Variants in ITGA11 observed in about 807,000 individuals in gnomAD.
The protein encoded by ITGA11 is integrin alpha-11.
ITGA11 carries 97 observed loss-of-function variants against 141.9 expected under a neutral mutation model. The observed-to-expected ratio is 0.68, with a 90% CI of 0.58 to 0.81. ITGA11 has a LOEUF of 0.81. ITGA11 is among the 30% of genes least tolerant of loss of function. The pLI, the probability that ITGA11 is intolerant of heterozygous loss-of-function variation, is 0.00. For synonymous variants in ITGA11, 658 were observed against 624.6 expected, an observed-to-expected ratio of 1.05 and a Z score of -0.80; for missense variants, 1,387 against 1,559.2, an observed-to-expected ratio of 0.89 and a Z score of 1.86.
At chr15:68,407,783 G>A (rs530880853) in intron 1 of ITGA11, among the ~76,000 whole-genome samples, 25 of 152,334 alleles carry the variant, frequency 1.6e-4, no homozygotes, top group Middle Eastern at 3.4e-3. Flanking sequence ...GGAAACCACA[G>A]CATCAAGCCA....
rs1306605224 is a variant in ITGA11 at position 68,350,658 on chromosome 15, T to A, written c.1019A>T (p.Asp340Val). ...TCTGTCCCCCAGGGCATCGACAATG[T>A]CCTTCAAGGCAGCCTCATCAGTGAC... ...FNVTDEAALK[D>V]IVDALGDRIF... The change falls in exon 9 of 30, where the codon GAC becomes GTC. Residue 340 changes from aspartate to valine, a missense_variant. Coordinates refer to ENST00000315757, the MANE Select transcript of ITGA11 (RefSeq NM_001004439.2). 2 of 1,613,918 alleles carry A rather than the reference T, an allele frequency of 1.2e-6. No individual in the cohort carries two copies. Among genetic ancestry groups the A allele is most frequent in the East Asian group, 2.2e-5 (1 of 44,872 alleles).
rs776204625 is a variant in ITGA11 at position 68,328,124 on chromosome 15, C to T, written c.2040G>A (p.Leu680=). The change falls in exon 16 of 30, where the codon CTG becomes CTA. Residue 680 remains leucine (L), a synonymous_variant. Coordinates refer to ENST00000315757, the MANE Select transcript of ITGA11 (RefSeq NM_001004439.2). The surrounding 1 kb of genome is among the most constrained non-coding windows in gnomAD (Gnocchi z 4.8). ...CAGTTGTTGTTTGGAAATGGGGTGC[C>T]AGGAAGATGGGCGTGAAGCAGAGGA... ...AAFLCFTPIF[L]APHFQTTTVG... is the part of the protein sequence containing the mutation. 6.2e-7 allele frequency: 1 copy of T among 1,613,686 alleles called. No homozygotes were observed. The highest frequency in any genetic ancestry group is 8.5e-7 in the Non-Finnish European group (1 of 1,179,808).
At chr15:68,317,195 G>A (rs1032025181) in intron 21 of ITGA11, 70 bp downstream of exon 21, 24 of 1,089,602 alleles carry the variant, frequency 2.2e-5, no homozygotes, top group Admixed American at 8.5e-5. Flanking sequence ...TGCTCTTGCC[G>A]CCCTCCCCAA....
At chr15:68,381,691 G>A (rs1339615012) in intron 2 of ITGA11, among the ~76,000 whole-genome samples, 3 of 152,156 alleles carry the variant, frequency 2.0e-5, no homozygotes, top group Non-Finnish European at 4.4e-5. Context: ...GAGTAGCTGG[G>A]ATTATAGGCG....
chr15:68,312,597 A>G (rs1893426194), intron 24 of ITGA11, among the ~76,000 whole-genome samples, 176 bp downstream of exon 24: 1 of 152,180 alleles, frequency 6.6e-6, no homozygotes, highest in Non-Finnish European at 1.5e-5. Context: ...TGTTTTTCAA[A>G]AGAAGACTGA....
In ITGA11 at chr15:68,335,735, G is replaced by A. The variant is rs776834465; in HGVS notation, c.1387C>T (p.Arg463Trp). 2.4e-5 allele frequency: 39 copies of A among 1,613,734 alleles called. No individual in the cohort carries two copies. The South Asian group carries it at 2.9e-4, about 12-fold the overall frequency. ...ATAGCCTGGTGGATGGTGAGGCTCCGGTTGTTGTGCATGGTGAACAGGATG... is the reference window on the plus strand; with the variant it reads ...ATAGCCTGGTGGATGGTGAGGCTCCAGTTGTTGTGCATGGTGAACAGGATG... ...KVILFTMHNNRSLTIHQAMRG... is the reference protein window; with the variant it reads ...KVILFTMHNNWSLTIHQAMRG... Residue 463 changes from arginine (R) to tryptophan (W), a missense_variant, in exon 12 of 30, where the codon CGG becomes TGG. Transcript: ENST00000315757. The surrounding 1 kb of genome is among the most constrained non-coding windows in gnomAD (Gnocchi z 4.9).
intron 2 of ITGA11, among the ~76,000 whole-genome samples, chr15:68,401,883 A>G (rs530912766): frequency 8.5e-5 from 13 of 152,210 alleles, no homozygotes; most frequent in Non-Finnish European, 1.8e-4. Flanking sequence ...CTTTACAAAA[A>G]TCAAAAAGAA....
rs149468736 is a variant in ITGA11 at position 68,359,214 on chromosome 15, A to G, written c.473-629T>C. Among the ~76,000 whole-genome samples the G allele has an allele frequency of 4.8e-3, 727 of 152,270 alleles. 5 individuals carry two copies. Among genetic ancestry groups the G allele is most frequent in the African/African-American group, 0.017 (692 of 41,496 alleles). On this transcript the variant is annotated intron_variant, in intron 5 of 29. Coordinates refer to ENST00000315757, the MANE Select transcript of ITGA11 (RefSeq NM_001004439.2). ...AATGCTCAATAAATCTGAACTGATC[A>G]TGGTTTCACTTTTTATTTATTTATT...
At chr15:68,423,115 C>T (rs368745110) in intron 1 of ITGA11, among the ~76,000 whole-genome samples, 3 of 152,306 alleles carry the variant, frequency 2.0e-5, no homozygotes, top group Non-Finnish European at 2.9e-5. Flanking sequence ...GTTCATTCAA[C>T]ACATCTTAAC....
intron 3 of ITGA11, among the ~76,000 whole-genome samples, chr15:68,366,688 C>G (rs1489589336): frequency 6.6e-6 from 1 of 152,182 alleles, no homozygotes; most frequent in Non-Finnish European, 1.5e-5. Flanking sequence ...AGTCTTTGCC[C>G]AACCCCTCTG....
Position 68,300,944 on chromosome 15 carries a change from A to G in ITGA11, c.*2115T>C, listed in dbSNP as rs1347805675. On this transcript the variant is annotated 3_prime_UTR_variant, in exon 30 of 30. Transcript: ENST00000315757. The stretch of plus-strand genomic sequence containing the variant: ...GATATTTGATGGACGACTTGGTGCT[A>G]AGTCAATGAAAACTTATGAGTGTGG... 1 of 152,214 alleles carries G rather than the reference A, an allele frequency of 6.6e-6. No homozygotes were observed. The highest frequency in any genetic ancestry group is 1.5e-5 in the Non-Finnish European group (1 of 68,030). The allele number at this position is 152,214 out of a possible 1,614,324, so 9.4% of individuals were successfully genotyped here.
intron 22 of ITGA11, 22 bp from the exon 23 acceptor site, chr15:68,313,890 A>G (rs765915060): frequency 6.3e-7 from 1 of 1,594,632 alleles, no homozygotes; most frequent in African/African-American, 1.3e-5. Context: ...GCCAGGCGGC[A>G]AGGTCAGGAA....
intron 4 of ITGA11, 42 bp from the exon 5 acceptor site, chr15:68,361,746 CAG>C: frequency 7.1e-7 from 1 of 1,409,094 alleles, no homozygotes; most frequent in Non-Finnish European, 9.9e-7. Flanking sequence ...GAGGGGACCT[CAG>C]AGAGGATCGA....
chr15:68,376,557 T>A (rs1468906631), intron 2 of ITGA11, among the ~76,000 whole-genome samples: 1 of 152,248 alleles, frequency 6.6e-6, no homozygotes, highest in Non-Finnish European at 1.5e-5. Flanking sequence ...AGTTTTTGTA[T>A]GAGCTGGTGA....
chr15:68,340,442 G>A (rs8029230), intron 10 of ITGA11, among the ~76,000 whole-genome samples: 29,674 of 152,032 alleles, frequency 0.2, 6,467 homozygotes, highest in African/African-American at 0.54. Context: ...GAGAGAGCAC[G>A]GAACCTTTGT....
rs1892976709 is a variant in ITGA11 at position 68,299,419 on chromosome 15, T to G, written c.*3640A>C. On this transcript the variant is annotated 3_prime_UTR_variant, in exon 30 of 30. Transcript: ENST00000315757. ...TATTAACATAAAGATAGTAGGGGAG[T>G]TTTTTTTTTTTTTAAATTATAAGAA... The G allele has an allele frequency of 8.2e-6, 1 of 122,062 alleles. No individual in the cohort carries two copies. The highest frequency in any genetic ancestry group is 4.3e-5 in the African/African-American group (1 of 23,066). The allele number at this position is 122,062 out of a possible 1,614,324, so 7.6% of individuals were successfully genotyped here. A position where few individuals can be genotyped will look rare whatever the true frequency, so the allele number is the denominator to read the frequency against.
At chr15:68,395,297 G>C (rs111635849) in intron 2 of ITGA11, among the ~76,000 whole-genome samples, 1 of 152,132 alleles carries the variant, frequency 6.6e-6, no homozygotes, top group African/African-American at 2.4e-5. Flanking sequence ...ATCCTCACCA[G>C]CAATGGAACA....
In ITGA11 at chr15:68,305,336, C is replaced by A. The variant is rs562856536; in HGVS notation, c.3382-1451G>T. Among the ~76,000 whole-genome samples, 275 of 152,366 alleles carry A rather than the reference C, an allele frequency of 1.8e-3. 4 individuals carry two copies. Among genetic ancestry groups the A allele is most frequent in the Non-Finnish European group, 2.4e-3 (165 of 68,040 alleles). ...GTATAAAACAGCACCCCCTGGCACT[C>A]CACCCTTAGATGTGTGCCTTTTTCT... On this transcript the variant is annotated intron_variant, in intron 28 of 29. Transcript: ENST00000315757. This position sits in a 1 kb window ranked among gnomAD's most constrained non-coding sequence, Gnocchi z 4.6.
Position 68,303,963 on chromosome 15 carries a change from G to A in ITGA11, c.3382-78C>T, listed in dbSNP as rs986057366. 2 of 847,822 alleles carry A rather than the reference G, an allele frequency of 2.4e-6. No individual in the cohort carries two copies. The highest frequency in any genetic ancestry group is 3.9e-6 in the Non-Finnish European group (2 of 510,268). The allele number at this position is 847,822 out of a possible 1,614,324, so 52.5% of individuals were successfully genotyped here. On this transcript the variant is annotated intron_variant, in intron 28 of 29. Transcript: ENST00000315757. This position sits in a 1 kb window ranked among gnomAD's most constrained non-coding sequence, Gnocchi z 5.3. ...GGCAGTCTGGGAGGGGCAGGAGGGT[G>A]GAGACAGCTGGCACCTGGTGGGGGA...
Sources: allele counts gnomAD v4.1 joint callset (sites outside exome capture counted in the v4.1 genomes callset), GRCh38; gene constraint gnomAD v4.1.1; non-coding constraint Gnocchi (gnomAD v3.1); transcripts MANE v1.5; gene names NCBI Gene and HGNC (gene_info 2026-07-23, HGNC 2026-07-21).